The following ARHGAP32 variants were observed in gnomAD, a reference collection of about 807,000 sequenced individuals.
The protein encoded by ARHGAP32 is rho GTPase-activating protein 32.
In ARHGAP32, 51 loss-of-function variants were observed where a neutral mutation model predicts 186.5. The ratio of observed to expected loss-of-function variants is 0.27; its 90% CI spans 0.22 to 0.35. ARHGAP32 has a LOEUF of 0.35. Among genes scored for constraint, ARHGAP32 ranks in the 10% least tolerant of loss-of-function variants. The pLI, the probability that ARHGAP32 is intolerant of heterozygous loss-of-function variation, is 1.00. For synonymous variants in ARHGAP32, 950 were observed against 964.3 expected, an observed-to-expected ratio of 0.99 and a Z score of 0.27; for missense variants, 2,186 against 2,623.5, an observed-to-expected ratio of 0.83 and a Z score of 3.64.
chr11:129,080,120 C>G (rs968877247), intron 6 of ARHGAP32, among the ~76,000 whole-genome samples: 56 of 152,072 alleles, frequency 3.7e-4, no homozygotes, highest in African/African-American at 1.3e-3. Flanking sequence ...ACTACTAGAC[C>G]TAAAAAATGA....
intron 22 of ARHGAP32, chr11:128,971,424 G>C (rs561227789): frequency 2.5e-6 from 1 of 403,852 alleles, no homozygotes; most frequent in Non-Finnish European, 4.4e-6. Context: ...GTTGCCTATG[G>C]CATAATTTTA....
At chr11:129,072,795 T>A (rs1338928697) in intron 6 of ARHGAP32, among the ~76,000 whole-genome samples, 3 of 152,016 alleles carry the variant, frequency 2.0e-5, no homozygotes, top group Non-Finnish European at 4.4e-5. Flanking sequence ...CTGAAAAAAA[T>A]CTCCTTGTGC....
intron 11 of ARHGAP32, among the ~76,000 whole-genome samples, chr11:129,010,094 T>C (rs1937998580): frequency 6.6e-6 from 1 of 152,208 alleles, no homozygotes; most frequent in African/African-American, 2.4e-5. Context: ...AGGATGAGTG[T>C]CTTCTTTTGA....
At chr11:129,040,439 T>C (rs1368133138) in intron 11 of ARHGAP32, among the ~76,000 whole-genome samples, 1 of 152,190 alleles carries the variant, frequency 6.6e-6, no homozygotes, top group African/African-American at 2.4e-5. Context: ...TCTTGATTTT[T>C]ATCCCCTTCA....
intron 1 of ARHGAP32, among the ~76,000 whole-genome samples, chr11:129,174,299 G>A (rs1048037284): frequency 2.6e-5 from 4 of 152,178 alleles, no homozygotes; most frequent in African/African-American, 9.7e-5. Context: ...CTACGCCCAC[G>A]GAGTCTCGCT....
At chr11:129,102,288 A>G (rs1941922129) in intron 5 of ARHGAP32, among the ~76,000 whole-genome samples, 1 of 152,218 alleles carries the variant, frequency 6.6e-6, no homozygotes, top group Non-Finnish European at 1.5e-5. Flanking sequence ...AAGCAACCAC[A>G]TAAACAAGTC....
chr11:129,129,320 C>T (rs895998972), intron 2 of ARHGAP32, among the ~76,000 whole-genome samples: 2 of 149,562 alleles, frequency 1.3e-5, no homozygotes, highest in African/African-American at 4.9e-5. Flanking sequence ...GCAGCTGCCC[C>T]GTCTGGGAAG....
chr11:129,104,182 T>C (rs1398322452), intron 5 of ARHGAP32, among the ~76,000 whole-genome samples: 4 of 151,920 alleles, frequency 2.6e-5, no homozygotes. Context: ...ATTTCTAAAA[T>C]ATGTACCTCA....
At chr11:129,086,687 G>T (rs953851794) in intron 6 of ARHGAP32, among the ~76,000 whole-genome samples, 1 of 152,034 alleles carries the variant, frequency 6.6e-6, no homozygotes, top group African/African-American at 2.4e-5. Flanking sequence ...CGGGCGTGGT[G>T]GTGGGCGCCT....
chr11:128,987,451 C>A (rs1433939903), intron 13 of ARHGAP32, among the ~76,000 whole-genome samples: 1 of 152,118 alleles, frequency 6.6e-6, no homozygotes, highest in East Asian at 1.9e-4. Flanking sequence ...GTATTAAAAT[C>A]TCTACAGAAT....
intron 2 of ARHGAP32, among the ~76,000 whole-genome samples, chr11:129,160,396 C>A (rs1287314894): frequency 6.6e-6 from 1 of 152,178 alleles, no homozygotes; most frequent in Non-Finnish European, 1.5e-5. Flanking sequence ...TCAGCAACTT[C>A]AGCAAAGTCT....
At chr11:128,991,869 A>AT (rs201705654) in intron 12 of ARHGAP32, among the ~76,000 whole-genome samples, 12 of 151,494 alleles carry the variant, frequency 7.9e-5, no homozygotes, top group African/African-American at 2.2e-4. Flanking sequence ...TTGATCTTTG[A>AT]TTTTTTTTTC....
chr11:129,248,860 T>A (rs1945140288), intron 1 of ARHGAP32, among the ~76,000 whole-genome samples: 1 of 152,218 alleles, frequency 6.6e-6, no homozygotes, highest in South Asian at 2.1e-4. Flanking sequence ...TACTCAGCTT[T>A]ACTGTGTGCC....
chr11:129,077,159 T>C (rs993134092), intron 6 of ARHGAP32, among the ~76,000 whole-genome samples: 5 of 152,222 alleles, frequency 3.3e-5, no homozygotes, highest in South Asian at 2.1e-4. Context: ...TTTCTGACTT[T>C]ATCTCACAGG....
intron 1 of ARHGAP32, among the ~76,000 whole-genome samples, chr11:129,268,695 A>AAAG (rs1945437315): frequency 7.4e-6 from 1 of 136,054 alleles, no homozygotes; most frequent in African/African-American, 2.7e-5. Context: ...AAAAAAAAAA[A>AAAG]GGTGAATTCC....
intron 1 of ARHGAP32, among the ~76,000 whole-genome samples, chr11:129,262,765 G>A (rs979551616): frequency 8.8e-6 from 1 of 114,242 alleles, no homozygotes; most frequent in Non-Finnish European, 1.7e-5. Flanking sequence ...AAAATCCTGG[G>A]AGAAGACTGC....
intron 5 of ARHGAP32, among the ~76,000 whole-genome samples, chr11:129,115,018 A>G (rs1942325346): frequency 6.6e-6 from 1 of 152,146 alleles, no homozygotes; most frequent in Non-Finnish European, 1.5e-5. Flanking sequence ...CAAATGGAAC[A>G]CGGAAAGAGT....
chr11:129,001,600 G>C (rs1388859627), intron 11 of ARHGAP32, among the ~76,000 whole-genome samples: 1 of 152,180 alleles, frequency 6.6e-6, no homozygotes, highest in Admixed American at 6.5e-5. Flanking sequence ...TTGCTGTGCA[G>C]AAGCTTTTAA....
chr11:129,165,615 GA>G (rs901197392), intron 1 of ARHGAP32, among the ~76,000 whole-genome samples: 40 of 148,276 alleles, frequency 2.7e-4, no homozygotes, highest in African/African-American at 1.0e-3. Flanking sequence ...TGAAAATTGA[GA>G]AAAAAAATAG....
Sources: gnomAD v4.1 joint callset for allele counts (sites outside exome capture counted in the v4.1 genomes callset) on GRCh38, gnomAD v4.1.1 for gene constraint, MANE v1.5 for transcripts, NCBI Gene and HGNC (gene_info 2026-07-23, HGNC 2026-07-21) for gene names.